GLIS3: variants seen among roughly 807,000 people sequenced by gnomAD.
GLIS3 encodes GLIS family zinc finger 3, also known as zinc finger protein GLIS3.
Under a neutral mutation model 78.6 loss-of-function variants are expected in GLIS3, and 53 were observed. That is an observed-to-expected ratio of 0.67 (90% CI 0.54 to 0.85). The LOEUF is 0.85. Ranked by LOEUF, GLIS3 falls within the 40% of genes least tolerant of loss-of-function variation. GLIS3 has a pLI of 0.00. For synonymous variants in GLIS3, 684 were observed against 509.9 expected (o/e 1.34, Z -4.60); for missense variants, 1,703 against 1,231.1 (o/e 1.38, Z -5.74).
At chr9:3,854,349 G>T (rs1819620722) in intron 9 of GLIS3, among the ~76,000 whole-genome samples, 1 of 152,160 alleles carries the variant, frequency 6.6e-6, no homozygotes, top group Non-Finnish European at 1.5e-5. Context: ...AAATGACCAT[G>T]GGCCTGCAGA....
intron 4 of GLIS3, among the ~76,000 whole-genome samples, chr9:4,037,585 G>C (rs10974296): frequency 0.15 from 17,455 of 119,118 alleles, 1,421 homozygotes; most frequent in East Asian, 0.42. Context: ...CACACACACA[G>C]AGACAATAAA....
At chr9:4,235,027 G>A (rs532181887) in intron 2 of GLIS3, among the ~76,000 whole-genome samples, 15 of 152,192 alleles carry the variant, frequency 9.9e-5, no homozygotes, top group African/African-American at 3.4e-4. Flanking sequence ...AGCCAGGCGC[G>A]GTGGCTCACG....
At chr9:4,193,330 A>T (rs1166444334) in intron 2 of GLIS3, among the ~76,000 whole-genome samples, 1 of 152,232 alleles carries the variant, frequency 6.6e-6, no homozygotes, top group East Asian at 1.9e-4. Context: ...AACACAGACA[A>T]TATTTGTCCA....
chr9:3,838,596 TG>T (rs1370572807), intron 9 of GLIS3, among the ~76,000 whole-genome samples: 1 of 151,952 alleles, frequency 6.6e-6, no homozygotes, highest in Non-Finnish European at 1.5e-5. Flanking sequence ...AGCCTAGGAG[TG>T]GGAGGTTTAC....
intron 2 of GLIS3, among the ~76,000 whole-genome samples, chr9:4,153,233 G>C (rs974021282): frequency 4.6e-5 from 7 of 152,178 alleles, no homozygotes; most frequent in Non-Finnish European, 1.0e-4. Flanking sequence ...TTCTAACTTG[G>C]AAGAATAAAA....
chr9:4,384,134 C>A, the GLIS3 span, among the ~76,000 whole-genome samples: 1 of 152,220 alleles, frequency 6.6e-6, no homozygotes, highest in East Asian at 1.9e-4. Context: ...GCCCAGCACA[C>A]TGTACACAGA....
intron 2 of GLIS3, among the ~76,000 whole-genome samples, chr9:4,257,241 A>G (rs1462799927): frequency 6.6e-6 from 1 of 152,168 alleles, no homozygotes; most frequent in Non-Finnish European, 1.5e-5. Flanking sequence ...CCACACAGAG[A>G]AAGAAAAATA....
intron 2 of GLIS3, among the ~76,000 whole-genome samples, chr9:4,161,767 C>T (rs1564135171): frequency 6.6e-6 from 1 of 150,480 alleles, no homozygotes; most frequent in African/African-American, 2.5e-5. Context: ...TAGCCTCTGC[C>T]TCCCAGGTTC....
the GLIS3 span, among the ~76,000 whole-genome samples, chr9:4,469,359 A>G: frequency 6.6e-6 from 1 of 152,180 alleles, no homozygotes; most frequent in Admixed American, 6.5e-5. Context: ...CACAATACCT[A>G]TTCCAAAACT....
intron 7 of GLIS3, among the ~76,000 whole-genome samples, chr9:3,896,471 C>A (rs1347526308): frequency 6.6e-6 from 1 of 151,552 alleles, no homozygotes; most frequent in African/African-American, 2.4e-5. Context: ...TTGAGACCAG[C>A]CTGGCCAACA....
chr9:4,191,728 T>C (rs1475358531), intron 2 of GLIS3, among the ~76,000 whole-genome samples: 2 of 152,156 alleles, frequency 1.3e-5, no homozygotes, highest in African/African-American at 4.8e-5. Context: ...ACAAGTCAAT[T>C]AGTAAATGAA....
chr9:4,187,412 T>C (rs554454523), intron 2 of GLIS3, among the ~76,000 whole-genome samples: 1 of 152,304 alleles, frequency 6.6e-6, no homozygotes, highest in East Asian at 1.9e-4. Context: ...TGTAGTATAG[T>C]TTGAAGTCAG....
the GLIS3 span, among the ~76,000 whole-genome samples, chr9:4,435,153 G>A: frequency 2.0e-5 from 3 of 152,174 alleles, no homozygotes; most frequent in African/African-American, 7.2e-5. Flanking sequence ...TCAACCTGAC[G>A]AACTCCAGAT....
the GLIS3 span, among the ~76,000 whole-genome samples, chr9:4,453,531 C>G: frequency 6.6e-6 from 1 of 152,080 alleles, no homozygotes; most frequent in South Asian, 2.1e-4. Flanking sequence ...TGAACAGACA[C>G]TTCTCAAAAG....
the GLIS3 span, among the ~76,000 whole-genome samples, chr9:4,451,754 A>C: frequency 9.8e-4 from 150 of 152,288 alleles, no homozygotes; most frequent in Middle Eastern, 3.4e-3. Flanking sequence ...ACTACTGGGT[A>C]CATAATGAAA....
At chr9:4,067,838 A>G (rs1426582079) in intron 4 of GLIS3, among the ~76,000 whole-genome samples, 1 of 152,134 alleles carries the variant, frequency 6.6e-6, no homozygotes, top group Non-Finnish European at 1.5e-5. Flanking sequence ...CAAAGAACAG[A>G]TTGATCCCAG....
intron 2 of GLIS3, among the ~76,000 whole-genome samples, chr9:4,161,735 T>C (rs1835496197): frequency 7.1e-6 from 1 of 139,992 alleles, no homozygotes; most frequent in Non-Finnish European, 1.5e-5. Context: ...TGGAGTACAG[T>C]GGCGCAATTC....
At chr9:4,196,498 C>T (rs1818863108) in intron 2 of GLIS3, among the ~76,000 whole-genome samples, 3 of 152,198 alleles carry the variant, frequency 2.0e-5, no homozygotes, top group South Asian at 2.1e-4. Flanking sequence ...AGCTGTAACC[C>T]TCACCATAAA....
intron 2 of GLIS3, among the ~76,000 whole-genome samples, chr9:4,161,691 T>TG (rs1217878897): frequency 6.7e-6 from 1 of 149,864 alleles, no homozygotes; most frequent in Non-Finnish European, 1.5e-5. Context: ...TTTTTTTTTT[T>TG]TTTTGAGACA....
Sources: allele counts gnomAD v4.1 joint callset (sites outside exome capture counted in the v4.1 genomes callset), GRCh38; gene constraint gnomAD v4.1.1; transcripts MANE v1.5; gene names NCBI Gene and HGNC (gene_info 2026-07-23, HGNC 2026-07-21).